The following ZBTB7C variants were observed in gnomAD, a reference collection of about 807,000 sequenced individuals.
ZBTB7C encodes zinc finger and BTB domain-containing protein 7C.
Under a neutral mutation model 25.7 loss-of-function variants are expected in ZBTB7C, and 8 were observed. The observed-to-expected ratio is 0.31, with a 90% CI of 0.18 to 0.56. ZBTB7C has a LOEUF of 0.56. Ranked by LOEUF, ZBTB7C falls within the 20% of genes least tolerant of loss-of-function variation. The pLI, the probability that ZBTB7C is intolerant of heterozygous loss-of-function variation, is 0.91. For missense variants in ZBTB7C, 824 were observed against 855.2 expected, an observed-to-expected ratio of 0.96 and a Z score of 0.46; for synonymous variants, 394 against 369.0, an observed-to-expected ratio of 1.07 and a Z score of -0.78.
chr18:48,298,305 T>C (rs540389052), intron 2 of ZBTB7C, among the ~76,000 whole-genome samples: 31 of 147,970 alleles, frequency 2.1e-4, no homozygotes, highest in African/African-American at 7.4e-4. Flanking sequence ...AAAGTGTGAG[T>C]TGATGGCTGC....
At chr18:48,380,799 C>T (rs1463506453) in intron 1 of ZBTB7C, among the ~76,000 whole-genome samples, 3 of 152,006 alleles carry the variant, frequency 2.0e-5, no homozygotes, top group African/African-American at 4.8e-5. Flanking sequence ...TTGTTGTGAC[C>T]GATGTACCAT....
At chr18:48,367,832 T>TG (rs1396673386) in intron 1 of ZBTB7C, among the ~76,000 whole-genome samples, 2 of 151,836 alleles carry the variant, frequency 1.3e-5, no homozygotes, top group African/African-American at 4.8e-5. Context: ...GTGGTGTCAG[T>TG]GGGGGTCACA....
intron 3 of ZBTB7C, among the ~76,000 whole-genome samples, chr18:48,086,475 G>A (rs2144519085): frequency 1.3e-5 from 2 of 152,234 alleles, no homozygotes; most frequent in Middle Eastern, 6.8e-3. Flanking sequence ...ATCATTTTCT[G>A]TTTCCCTAAC....
At chr18:48,215,381 G>A (rs1198308800) in intron 2 of ZBTB7C, among the ~76,000 whole-genome samples, 1 of 152,196 alleles carries the variant, frequency 6.6e-6, no homozygotes, top group Admixed American at 6.5e-5. Context: ...GGAACATGTG[G>A]CCAAGGTGGT....
intron 2 of ZBTB7C, among the ~76,000 whole-genome samples, chr18:48,194,206 C>T (rs1260054507): frequency 6.6e-6 from 1 of 152,190 alleles, no homozygotes; most frequent in Non-Finnish European, 1.5e-5. Flanking sequence ...TGCTCAGTCA[C>T]GTACATTTTA....
chr18:48,069,207 T>A (rs936297519), intron 3 of ZBTB7C, among the ~76,000 whole-genome samples: 1 of 152,226 alleles, frequency 6.6e-6, no homozygotes, highest in African/African-American at 2.4e-5. Flanking sequence ...GGCCCACCCC[T>A]GTCCAGGTGT....
chr18:48,182,972 AAAT>A (rs1363674414), intron 3 of ZBTB7C, among the ~76,000 whole-genome samples: 1 of 152,192 alleles, frequency 6.6e-6, no homozygotes, highest in Non-Finnish European at 1.5e-5. Context: ...AATTTGCTTT[AAAT>A]AATAATTATT....
intron 3 of ZBTB7C, among the ~76,000 whole-genome samples, chr18:48,081,322 A>G (rs1234814006): frequency 6.6e-6 from 1 of 152,132 alleles, no homozygotes; most frequent in Non-Finnish European, 1.5e-5. Flanking sequence ...CTGATTCTAG[A>G]CACCTGTTGT....
intron 3 of ZBTB7C, among the ~76,000 whole-genome samples, chr18:48,079,746 C>T (rs2037910125): frequency 6.6e-6 from 1 of 152,258 alleles, no homozygotes; most frequent in Non-Finnish European, 1.5e-5. Context: ...AAGGCCTTGG[C>T]TCTTGCAGTT....
chr18:48,134,133 A>C (rs1464864967), intron 3 of ZBTB7C, among the ~76,000 whole-genome samples: 1 of 150,010 alleles, frequency 6.7e-6, no homozygotes, highest in Non-Finnish European at 1.5e-5. Context: ...GTAGAAAAAA[A>C]CTATTCTTCT....
chr18:48,239,668 G>A (rs1454847466), intron 2 of ZBTB7C, among the ~76,000 whole-genome samples: 1 of 152,158 alleles, frequency 6.6e-6, no homozygotes, highest in Admixed American at 6.5e-5. Flanking sequence ...AGGGGAAGGG[G>A]AAGAGCACCA....
In ZBTB7C at chr18:48,304,841, C is replaced by CAAAAA. The variant is rs35398428; in HGVS notation, c.-79+33328_-79+33332dup. ...GCACAATGGGAGCCAGGCTCTACCT[C>CAAAAA]AAAAAAAAAAAAAAAAAAAAAAGAT... is the stretch of plus-strand genomic sequence containing the variant. On this transcript the variant is annotated intron_variant, in intron 2 of 4. Transcript: ENST00000590800. Among the ~76,000 whole-genome samples, 260 of 90,300 alleles carry CAAAAA rather than the reference C, an allele frequency of 2.9e-3. 10 individuals are homozygous for CAAAAA. Among genetic ancestry groups the CAAAAA allele is most frequent in the African/African-American group, 6.4e-3 (150 of 23,576 alleles). The allele number at this position is 90,300 out of a possible 152,430, so 59.2% of individuals were successfully genotyped here.
At chr18:48,243,306 A>G (rs895275963) in intron 2 of ZBTB7C, among the ~76,000 whole-genome samples, 1 of 151,338 alleles carries the variant, frequency 6.6e-6, no homozygotes, top group Non-Finnish European at 1.5e-5. Context: ...TAGCTCTGAT[A>G]AATGATTTCA....
At chr18:48,409,494 C>T (rs1397914012), upstream of ZBTB7C, 1 of 146,692 alleles carries the variant, frequency 6.8e-6, no homozygotes, top group East Asian at 2.0e-4. Flanking sequence ...CCGCGCCCCG[C>T]GCCCCGCGCC....
At chr18:48,319,501 A>G (rs2046038266) in intron 2 of ZBTB7C, among the ~76,000 whole-genome samples, 2 of 152,292 alleles carry the variant, frequency 1.3e-5, no homozygotes, top group Middle Eastern at 6.8e-3. Context: ...CACTCCACAC[A>G]TGTTTTTTAT....
At chr18:48,337,022 C>G (rs1467952467) in intron 2 of ZBTB7C, among the ~76,000 whole-genome samples, 1 of 152,206 alleles carries the variant, frequency 6.6e-6, no homozygotes, top group African/African-American at 2.4e-5. Context: ...GTTCCGAGCC[C>G]ACCTAGCACC....
chr18:48,175,791 T>A (rs2041655238), intron 3 of ZBTB7C, among the ~76,000 whole-genome samples: 1 of 152,192 alleles, frequency 6.6e-6, no homozygotes. Flanking sequence ...TATTAAAATA[T>A]CATAGGTGAG....
In ZBTB7C at chr18:48,041,108, G is replaced by A; in HGVS notation, c.-1C>T. On this transcript the variant is annotated 5_prime_UTR_variant, in exon 4 of 5. Transcript: ENST00000590800. ...TGAGCTCATCAATGTCATTGGCCAT[G>A]TTCTCAGCCAGAGCCCTGCAGAGAC... 6.3e-7 allele frequency: 1 copy of A among 1,592,520 alleles called. No individual in the cohort carries two copies. The highest frequency in any genetic ancestry group is 1.1e-5 in the South Asian group (1 of 89,092).
chr18:48,172,674 G>A (rs971485077), intron 3 of ZBTB7C, among the ~76,000 whole-genome samples: 1 of 152,282 alleles, frequency 6.6e-6, no homozygotes, highest in Admixed American at 6.5e-5. Flanking sequence ...GGCAATGATA[G>A]CCCTCAGTTC....
Sources: allele counts gnomAD v4.1 joint callset (sites outside exome capture counted in the v4.1 genomes callset), GRCh38; gene constraint gnomAD v4.1.1; transcripts MANE v1.5; gene names NCBI Gene and HGNC (gene_info 2026-07-23, HGNC 2026-07-21).